LHFPL3: variants seen among roughly 807,000 people sequenced by gnomAD.
The protein encoded by LHFPL3 is LHFPL tetraspan subfamily member 3, also known as LHFPL tetraspan subfamily member 3 protein.
In LHFPL3, 5 loss-of-function variants were observed where a neutral mutation model predicts 19.3. The ratio of observed to expected loss-of-function variants is 0.26; its 90% CI spans 0.14 to 0.54. The LOEUF is 0.54. LHFPL3 is among the 20% of genes least tolerant of loss of function. The pLI, the probability that LHFPL3 is intolerant of heterozygous loss-of-function variation, is 0.94. For synonymous variants in LHFPL3, 133 were observed against 126.2 expected (o/e 1.05, Z -0.36); for missense variants, 249 against 307.4 (o/e 0.81, Z 1.42).
intron 1 of LHFPL3, among the ~76,000 whole-genome samples, chr7:104,456,228 A>G (rs767565946): frequency 7.9e-5 from 12 of 152,250 alleles, no homozygotes; most frequent in Non-Finnish European, 1.5e-4. Context: ...CTCAAAAATT[A>G]TGACTAGATA....
At chr7:104,380,655 G>T (rs1790809487) in intron 1 of LHFPL3, among the ~76,000 whole-genome samples, 1 of 152,154 alleles carries the variant, frequency 6.6e-6, no homozygotes, top group Admixed American at 6.5e-5. Flanking sequence ...AGTCAAGTTA[G>T]ATTTAACTCC....
At chr7:104,863,962 G>A (rs1034095769) in intron 2 of LHFPL3, among the ~76,000 whole-genome samples, 3 of 152,198 alleles carry the variant, frequency 2.0e-5, no homozygotes, top group Admixed American at 2.0e-4. Context: ...CTCCCTCTTG[G>A]AATTGGTTTG....
intron 1 of LHFPL3, among the ~76,000 whole-genome samples, chr7:104,603,047 CT>C (rs992153691): frequency 2.7e-4 from 41 of 150,766 alleles, no homozygotes; most frequent in Middle Eastern, 3.4e-3. Flanking sequence ...ATTAAGTTTT[CT>C]TTTTTTTCTT....
intron 1 of LHFPL3, among the ~76,000 whole-genome samples, chr7:104,423,266 T>C (rs532517824): frequency 1.3e-5 from 2 of 152,220 alleles, no homozygotes; most frequent in South Asian, 4.2e-4. Flanking sequence ...ATTGGGCTGC[T>C]ATGGAAGTAC....
At position 104,771,816 on chromosome 7, in the gene LHFPL3, CTTTTTTTTTTTTTT is replaced by C. The variant is rs71155523; in HGVS notation, c.682+34918_682+34931del. 6.6e-5 allele frequency among the ~76,000 whole-genome samples: 5 copies of C among 75,434 alleles called. No homozygotes were observed. The East Asian group carries it at 1.1e-3, about 17-fold the overall frequency. The allele number at this position is 75,434 out of a possible 152,430, so 49.5% of individuals were successfully genotyped here. On this transcript the variant is annotated intron_variant, in intron 2 of 2. Transcript: ENST00000424859. ...ACTTATTAATTTTTCTTTTGCCTCTCTTTTTTTTTTTTTTTTTTTTTTTTTTGAGACGGTTTCGC... is the reference window on the plus strand; with the variant it reads ...ACTTATTAATTTTTCTTTTGCCTCTCTTTTTTTTTTTTGAGACGGTTTCGC...
chr7:104,639,780 C>A (rs1791795516), intron 1 of LHFPL3, among the ~76,000 whole-genome samples: 1 of 152,154 alleles, frequency 6.6e-6, no homozygotes. Context: ...ATGCCAGATT[C>A]ATGTGGGTTG....
Position 104,865,095 on chromosome 7 carries a change from C to A in LHFPL3, c.683-41092C>A, listed in dbSNP as rs1791695508. ...TCTGTACATCACCATCATCAAAGAC[C>A]AAAGGTAGATAAAACCACAAAGATG... On this transcript the variant is annotated intron_variant, in intron 2 of 2. Coordinates refer to ENST00000424859, the MANE Select transcript of LHFPL3 (RefSeq NM_199000.3). Among the ~76,000 whole-genome samples, 5 of 152,004 alleles carry A rather than the reference C, an allele frequency of 3.3e-5. 1 individual carries two copies. The South Asian group carries it at 1.0e-3, about 32-fold the overall frequency.
chr7:104,586,496 G>C (rs1256625790), intron 1 of LHFPL3, among the ~76,000 whole-genome samples: 1 of 152,020 alleles, frequency 6.6e-6, no homozygotes, highest in Non-Finnish European at 1.5e-5. Flanking sequence ...ATTTTTCAAA[G>C]CATTACAACA....
At chr7:104,333,824 G>T (rs1399228244) in intron 1 of LHFPL3, among the ~76,000 whole-genome samples, 1 of 152,168 alleles carries the variant, frequency 6.6e-6, no homozygotes, top group African/African-American at 2.4e-5. Flanking sequence ...CCAGTGCATT[G>T]AAAGTTCCAT....
chr7:104,434,961 T>A (rs1243961082), intron 1 of LHFPL3, among the ~76,000 whole-genome samples: 1 of 152,188 alleles, frequency 6.6e-6, no homozygotes, highest in Non-Finnish European at 1.5e-5. Context: ...CATTTTCCAT[T>A]ATTTTTAAGT....
intron 1 of LHFPL3, among the ~76,000 whole-genome samples, chr7:104,514,431 A>G (rs1260588041): frequency 3.3e-5 from 5 of 152,114 alleles, no homozygotes; most frequent in Non-Finnish European, 5.9e-5. Flanking sequence ...CTCATCTGTT[A>G]TTGCTCACAA....
At position 104,456,835 on chromosome 7, in the gene LHFPL3, G is replaced by A. The variant is rs776871491; in HGVS notation, c.445+127611G>A. ...AACATTGGACAAAGAGATGATTCAT[G>A]TCCCAAGGTGTGAGATTTCATCATG... is the stretch of plus-strand genomic sequence containing the variant. On this transcript the variant is annotated intron_variant, in intron 1 of 2. Transcript: ENST00000424859. 2.6e-5 allele frequency among the ~76,000 whole-genome samples: 4 copies of A among 152,296 alleles called. No homozygotes were observed. The South Asian group carries it at 6.2e-4, about 24-fold the overall frequency.
In LHFPL3 at chr7:104,434,093, A is replaced by T. The variant is rs374995098; in HGVS notation, c.445+104869A>T. On this transcript the variant is annotated intron_variant, in intron 1 of 2. Transcript: ENST00000424859. ...TCCATACCTTTTATTATAAAATTTC[A>T]ATTTAAAAGCATTAGTATTTTACTA... 7.9e-5 allele frequency among the ~76,000 whole-genome samples: 12 copies of T among 152,236 alleles called. No homozygotes were observed. The East Asian group carries it at 2.3e-3, about 29-fold the overall frequency.
intron 1 of LHFPL3, among the ~76,000 whole-genome samples, chr7:104,553,851 C>T (rs1277654457): frequency 6.6e-6 from 1 of 152,124 alleles, no homozygotes; most frequent in Non-Finnish European, 1.5e-5. Context: ...CCTTCTTTTG[C>T]AATAACTAGT....
chr7:104,370,419 C>T (rs1291791961), intron 1 of LHFPL3, among the ~76,000 whole-genome samples: 1 of 152,168 alleles, frequency 6.6e-6, no homozygotes, highest in East Asian at 1.9e-4. Flanking sequence ...CCTCCCCTTT[C>T]CATACCACTG....
rs62485123 is a variant in LHFPL3 at position 104,512,997 on chromosome 7, A to T, written c.445+183773A>T. Among the ~76,000 whole-genome samples, 606 of 152,284 alleles carry T rather than the reference A, an allele frequency of 4.0e-3. 4 individuals carry two copies. Among genetic ancestry groups the T allele is most frequent in the Admixed American group, 6.7e-3 (102 of 15,278 alleles). On this transcript the variant is annotated intron_variant, in intron 1 of 2. Transcript: ENST00000424859. ...CCTAGGTATAATTTGACATCTATGG[A>T]TATAGTTCTCTTTCAGTGACCTATG... is the stretch of plus-strand genomic sequence containing the variant.
chr7:104,388,150 G>A (rs1790986801), intron 1 of LHFPL3, among the ~76,000 whole-genome samples: 1 of 152,042 alleles, frequency 6.6e-6, no homozygotes, highest in Non-Finnish European at 1.5e-5. Flanking sequence ...GTATTCCATG[G>A]GGTATATGTA....
rs750283158 is a variant in LHFPL3, at chr7:104,394,707, C to CT, written c.445+65494dup. ...TGTTATAATTGCTAGTCGTCATTTT[C>CT]TTTTTTTTTTTGGAATGGAGTCTTG... On this transcript the variant is annotated intron_variant, in intron 1 of 2. Coordinates refer to ENST00000424859, the MANE Select transcript of LHFPL3 (RefSeq NM_199000.3). 2.7e-3 allele frequency among the ~76,000 whole-genome samples: 392 copies of CT among 144,064 alleles called. 2 individuals are homozygous for CT. Among genetic ancestry groups the CT allele is most frequent in the Middle Eastern group, 0.011 (3 of 280 alleles). The allele number at this position is 144,064 out of a possible 152,430, so 94.5% of individuals were successfully genotyped here. A position where few individuals can be genotyped will look rare whatever the true frequency, so the allele number is the denominator to read the frequency against.
chr7:104,554,908 G>A (rs1794735235), intron 1 of LHFPL3, among the ~76,000 whole-genome samples: 1 of 152,220 alleles, frequency 6.6e-6, no homozygotes, highest in African/African-American at 2.4e-5. Context: ...CCCAGAGTCA[G>A]AAGGCTGGAG....
Sources: allele counts gnomAD v4.1 joint callset (sites outside exome capture counted in the v4.1 genomes callset), GRCh38; gene constraint gnomAD v4.1.1; transcripts MANE v1.5; gene names NCBI Gene and HGNC (gene_info 2026-07-23, HGNC 2026-07-21).